The following PWP1 variants were observed in gnomAD, a reference collection of about 807,000 sequenced individuals.
PWP1 encodes PWP1 homolog, endonuclein.
Under a neutral mutation model 69.9 loss-of-function variants are expected in PWP1, and 47 were observed. That is an observed-to-expected ratio of 0.67 (90% CI 0.53 to 0.86). PWP1 has a LOEUF of 0.86. Ranked by LOEUF, PWP1 falls within the 40% of genes least tolerant of loss-of-function variation. The probability of loss-of-function intolerance (pLI) is 0.00; values close to 1 mark genes in which losing one functional copy is unlikely to be tolerated. For missense variants in PWP1, 551 were observed against 608.8 expected (o/e 0.91, Z 1.00); for synonymous variants, 222 against 208.2 (o/e 1.07, Z -0.57).
chr12:107,707,014 G>C (rs552628472), intron 11 of PWP1, among the ~76,000 whole-genome samples: 2 of 152,122 alleles, frequency 1.3e-5, no homozygotes, highest in African/African-American at 4.8e-5. Context: ...TCACAATATT[G>C]ATTCTTCCTA....
chr12:107,710,552 T>TTA lies in PWP1; in HGVS notation c.1396+42_1396+43insTA, dbSNP rs763464173. On this transcript the variant is annotated intron_variant, in intron 14 of 14. Coordinates refer to ENST00000412830, the MANE Select transcript of PWP1 (RefSeq NM_007062.3). Reference sequence around the variant, plus strand: ...CTCTGCACACCTCCCCCTGCCCCTGTAAAAAAAAAAAAAAAAAAAAAGACA... The same window carrying TTA: ...CTCTGCACACCTCCCCCTGCCCCTGTTAAAAAAAAAAAAAAAAAAAAAAGACA... 14 of 1,158,120 alleles carry TTA rather than the reference T, an allele frequency of 1.2e-5. No homozygotes were observed. The African/African-American group carries it at 2.3e-4, about 19-fold the overall frequency. The allele number at this position is 1,158,120 out of a possible 1,614,324, so 71.7% of individuals were successfully genotyped here. A position where few individuals can be genotyped will look rare whatever the true frequency, so the allele number is the denominator to read the frequency against.
chr12:107,705,658 A>G (rs1889808344), intron 11 of PWP1, among the ~76,000 whole-genome samples: 1 of 151,942 alleles, frequency 6.6e-6, no homozygotes, highest in Admixed American at 6.6e-5. Context: ...TTTTCTGAGA[A>G]TGATGGTTTC....
chr12:107,707,878 C>T (rs1250719340), intron 11 of PWP1, among the ~76,000 whole-genome samples: 2 of 152,088 alleles, frequency 1.3e-5, no homozygotes, highest in African/African-American at 4.8e-5. Flanking sequence ...CGTTGTGTCT[C>T]TGCCGGGCTT....
At chr12:107,708,895 C>T in intron 11 of PWP1, 31 bp from the exon 12 acceptor site, 1 of 1,587,822 alleles carries the variant, frequency 6.3e-7, no homozygotes, top group South Asian at 1.1e-5. Context: ...TGTGACGTAG[C>T]ATGACCTTGC....
chr12:107,697,283 A>G (rs369751704), intron 6 of PWP1, among the ~76,000 whole-genome samples, 184 bp from the exon 7 acceptor site: 15 of 152,356 alleles, frequency 9.8e-5, no homozygotes, highest in Admixed American at 2.6e-4. Flanking sequence ...CTAGTTAGAA[A>G]TGCCCACCCA....
At chr12:107,711,572 G>T (rs1476153419) in intron 14 of PWP1, among the ~76,000 whole-genome samples, 1 of 152,096 alleles carries the variant, frequency 6.6e-6, no homozygotes, top group East Asian at 1.9e-4. Flanking sequence ...TTTCCGGAAG[G>T]GGCCACTCCT....
intron 6 of PWP1, among the ~76,000 whole-genome samples, chr12:107,697,104 A>AT (rs1200833053): frequency 6.6e-6 from 1 of 152,192 alleles, no homozygotes; most frequent in African/African-American, 2.4e-5. Flanking sequence ...CCTTGTTCAC[A>AT]TTCATGATCT....
At position 107,712,150 on chromosome 12, in the gene PWP1, G is replaced by GT. The variant is rs781186422; in HGVS notation, c.1436_1437insT (p.Ser480GlufsTer8). 1 of 1,613,998 alleles carries GT rather than the reference G, an allele frequency of 6.2e-7. No individual in the cohort carries two copies. The highest frequency in any genetic ancestry group is 8.5e-7 in the Non-Finnish European group (1 of 1,179,934). ...GGAAGACGAGAGAGGCTTGTTCTTG[G>GT]GAGTGCAAGAAATTCATCTATTAGT... On this transcript the variant is annotated frameshift_variant, in exon 15 of 15. Coordinates refer to ENST00000412830, the MANE Select transcript of PWP1 (RefSeq NM_007062.3). LOFTEE classifies it high-confidence loss of function.
chr12:107,696,150 A>C (rs1281205655), intron 5 of PWP1, among the ~76,000 whole-genome samples: 1 of 147,976 alleles, frequency 6.8e-6, no homozygotes. Context: ...CTCCTGCCTC[A>C]GCCTCCCTAG....
At position 107,699,375 on chromosome 12, in the gene PWP1, T is replaced by C; in HGVS notation, c.747T>C (p.Ser249=). 1 of 1,610,782 alleles carries C rather than the reference T, an allele frequency of 6.2e-7. No homozygotes were observed. The highest frequency in any genetic ancestry group is 1.7e-5 in the Admixed American group (1 of 59,804). Residue 249 remains serine (S), a splice_region_variant and synonymous_variant, in exon 8 of 15, where the codon AGT becomes AGC. Coordinates refer to ENST00000412830, the MANE Select transcript of PWP1 (RefSeq NM_007062.3). ...AATAATTAAAACAATTATTACAGAG[T>C]TCCTCAGCAGAAGGGCATACCGATG... ...SKKKKKKGKK[S]SSAEGHTDAV...
chr12:107,685,823 C>A lies in PWP1; in HGVS notation c.-77C>A. On this transcript the variant is annotated 5_prime_UTR_variant, in exon 1 of 15. Transcript: ENST00000412830. ...CAGCGGCCCTGTGCAGATCCCTGAGCGTGTGGCAGCAGTGCGGTCGTGGTC... is the reference window on the plus strand; with the variant it reads ...CAGCGGCCCTGTGCAGATCCCTGAGAGTGTGGCAGCAGTGCGGTCGTGGTC... The A allele has an allele frequency of 6.7e-7, 1 of 1,493,094 alleles. No individual in the cohort carries two copies. The highest frequency in any genetic ancestry group is 9.3e-7 in the Non-Finnish European group (1 of 1,073,312). 92.5% of individuals were successfully genotyped at this position (1,493,094 alleles called of 1,614,324 possible).
Position 107,703,786 on chromosome 12 carries a change from A to C in PWP1, c.965+40A>C, listed in dbSNP as rs767593590. On this transcript the variant is annotated intron_variant, in intron 10 of 14. Transcript: ENST00000412830. Reference sequence around the variant, plus strand: ...CAAGAATGATTGCTACTCTGTTTTTATCCTCTAGAAGTCATTTTAAGAGTA... The same window carrying C: ...CAAGAATGATTGCTACTCTGTTTTTCTCCTCTAGAAGTCATTTTAAGAGTA... The C allele has an allele frequency of 6.5e-6, 10 of 1,536,592 alleles. No homozygotes were observed. The South Asian group carries it at 1.1e-4, about 17-fold the overall frequency.
At chr12:107,687,285 CAG>C (rs1889389559) in intron 1 of PWP1, among the ~76,000 whole-genome samples, 1 of 152,090 alleles carries the variant, frequency 6.6e-6, no homozygotes, top group Non-Finnish European at 1.5e-5. Context: ...AGAATAGGGA[CAG>C]AAAATTATTT....
chr12:107,692,771 A>G, intron 3 of PWP1, 43 bp from the exon 4 acceptor site: 1 of 1,491,844 alleles, frequency 6.7e-7, no homozygotes, highest in Non-Finnish European at 9.3e-7. Context: ...GTTTTTGTCA[A>G]GATGACTATT....
intron 3 of PWP1, among the ~76,000 whole-genome samples, chr12:107,690,073 A>G (rs972009321): frequency 6.6e-6 from 1 of 152,232 alleles, no homozygotes; most frequent in Non-Finnish European, 1.5e-5. Flanking sequence ...TGGGAGCTGA[A>G]GGGACTCCTG....
chr12:107,705,354 T>C (rs986592040), intron 11 of PWP1, among the ~76,000 whole-genome samples: 1 of 152,040 alleles, frequency 6.6e-6, no homozygotes, highest in Non-Finnish European at 1.5e-5. Context: ...ATGTAGTGCT[T>C]TGCAAAGGTG....
chr12:107,712,255 G>A lies in PWP1; in HGVS notation c.*35G>A, dbSNP rs370019322. ...TCTAATTTCCTGCTTACCTTAACTG[G>A]GAATTTTAAAAAGTTGGCCTAAAAA... On this transcript the variant is annotated 3_prime_UTR_variant, in exon 15 of 15. Coordinates refer to ENST00000412830, the MANE Select transcript of PWP1 (RefSeq NM_007062.3). 1 of 1,555,988 alleles carries A rather than the reference G, an allele frequency of 6.4e-7. No individual in the cohort carries two copies. The highest frequency in any genetic ancestry group is 2.2e-5 in the East Asian group (1 of 44,482).
At chr12:107,692,603 A>G (rs1181085532) in intron 3 of PWP1, 10 of 525,878 alleles carry the variant, frequency 1.9e-5, no homozygotes, top group Admixed American at 3.6e-5. Flanking sequence ...GTGAATTCCA[A>G]GACTGTCTGA....
rs1205555684 is a variant in PWP1 at position 107,709,003 on chromosome 12, T to C, written c.1155T>C (p.Asn385=). The change falls in exon 12 of 15, where the codon AAT becomes AAC. Residue 385 remains asparagine (N), a synonymous_variant. Coordinates refer to ENST00000412830, the MANE Select transcript of PWP1 (RefSeq NM_007062.3). The part of the protein sequence containing the change: ...DKPIFTLNAH[N]DEISGLDLSS... ...CAATTTTTACACTTAATGCACACAATGATGAAATCTCTGGTGAGCAAGAGT... is the reference window on the plus strand; with the variant it reads ...CAATTTTTACACTTAATGCACACAACGATGAAATCTCTGGTGAGCAAGAGT... The C allele has an allele frequency of 1.2e-6, 2 of 1,613,848 alleles. No homozygotes were observed. The highest frequency in any genetic ancestry group is 1.1e-5 in the South Asian group (1 of 91,070).
Sources: gnomAD v4.1 joint callset for allele counts (sites outside exome capture counted in the v4.1 genomes callset) on GRCh38, gnomAD v4.1.1 for gene constraint, MANE v1.5 for transcripts, NCBI Gene and HGNC (gene_info 2026-07-23, HGNC 2026-07-21) for gene names.